TLE3: variants seen among roughly 807,000 people sequenced by gnomAD.
TLE3 encodes the protein transducin-like enhancer protein 3.
In TLE3, 14 loss-of-function variants were observed where a neutral mutation model predicts 93.0. The observed-to-expected ratio is 0.15, with a 90% CI of 0.10 to 0.24. TLE3 has a LOEUF of 0.24. Among genes scored for constraint, TLE3 ranks in the 10% least tolerant of loss-of-function variants. The pLI, the probability that TLE3 is intolerant of heterozygous loss-of-function variation, is 1.00. For synonymous variants in TLE3, 451 were observed against 425.0 expected, an observed-to-expected ratio of 1.06 and a Z score of -0.75; for missense variants, 693 against 1,046.6, an observed-to-expected ratio of 0.66 and a Z score of 4.66.
chr15:70,052,632 C>T (rs936672910), intron 17 of TLE3, 108 bp from the exon 18 acceptor site: 1 of 1,285,228 alleles, frequency 7.8e-7, no homozygotes, highest in Non-Finnish European at 1.1e-6. Flanking sequence ...AGGGTCCCTC[C>T]CCACCCACCC....
Position 70,058,502 on chromosome 15 carries a change from C to A in TLE3, c.918+161G>T. ...AGACGTAGCAACCGAGGCTCAGAAA[C>A]GTTAACTCATTAGCACAGGCCCAGC... On this transcript the variant is annotated intron_variant, in intron 11 of 19. Coordinates refer to ENST00000451782, the MANE Select transcript of TLE3 (RefSeq NM_001105192.3). This position sits in a 1 kb window ranked among gnomAD's most constrained non-coding sequence, Gnocchi z 4.1. 7.7e-7 allele frequency: 1 copy of A among 1,293,982 alleles called. No homozygotes were observed. Among genetic ancestry groups the A allele is most frequent in the Non-Finnish European group, 1.0e-6 (1 of 960,666 alleles). The allele number at this position is 1,293,982 out of a possible 1,614,324, so 80.2% of individuals were successfully genotyped here. A position where few individuals can be genotyped will look rare whatever the true frequency, so the allele number is the denominator to read the frequency against.
intron 4 of TLE3, among the ~76,000 whole-genome samples, chr15:70,089,791 C>T (rs1043290226): frequency 2.6e-5 from 4 of 152,158 alleles, no homozygotes; most frequent in Non-Finnish European, 2.9e-5. Context: ...CATTCTCCCA[C>T]GTAGAAAGCA....
chr15:70,088,200 G>A (rs1455910700), intron 4 of TLE3, among the ~76,000 whole-genome samples: 2 of 152,200 alleles, frequency 1.3e-5, no homozygotes, highest in African/African-American at 4.8e-5. Flanking sequence ...ATGCTGATGC[G>A]AATTCAGACT....
chr15:70,067,648 A>G (rs956082859), intron 6 of TLE3, among the ~76,000 whole-genome samples: 8 of 152,312 alleles, frequency 5.3e-5, no homozygotes, highest in Non-Finnish European at 8.8e-5. Context: ...CGAACAGATA[A>G]CAGAACACAG....
intron 14 of TLE3, chr15:70,055,970 C>T: frequency 2.3e-6 from 1 of 442,538 alleles, no homozygotes; most frequent in Non-Finnish European, 4.2e-6. Context: ...CAGGTCGAAC[C>T]CAAAGGAGTC....
intron 2 of TLE3, 195 bp downstream of exon 2, chr15:70,095,966 C>A (rs959977829): frequency 2.8e-6 from 2 of 727,112 alleles, no homozygotes; most frequent in Non-Finnish European, 4.4e-6. Context: ...CCACGGGCGG[C>A]GCTGGGAGCC....
intron 17 of TLE3, 108 bp from the exon 18 acceptor site, chr15:70,052,632 C>A: frequency 7.8e-7 from 1 of 1,285,232 alleles, no homozygotes; most frequent in East Asian, 2.6e-5. Context: ...AGGGTCCCTC[C>A]CCACCCACCC....
chr15:70,093,626 C>T (rs1451476254), intron 4 of TLE3, among the ~76,000 whole-genome samples: 1 of 152,240 alleles, frequency 6.6e-6, no homozygotes, highest in Non-Finnish European at 1.5e-5. Flanking sequence ...AAATTATAGG[C>T]AGCCTTTCCT....
At position 70,058,542 on chromosome 15, in the gene TLE3, A is replaced by C; in HGVS notation, c.918+121T>G. 1 of 1,406,832 alleles carries C rather than the reference A, an allele frequency of 7.1e-7. No homozygotes were observed. The highest frequency in any genetic ancestry group is 9.4e-7 in the Non-Finnish European group (1 of 1,060,644). 87.1% of individuals were successfully genotyped at this position (1,406,832 alleles called of 1,614,324 possible). ...ACAGGCCCAGCAGGCACAGAAGGTAAACCGGGGCCAATCACCCACCCAGCT... is the reference window on the plus strand; with the variant it reads ...ACAGGCCCAGCAGGCACAGAAGGTACACCGGGGCCAATCACCCACCCAGCT... On this transcript the variant is annotated intron_variant, in intron 11 of 19. Coordinates refer to ENST00000451782, the MANE Select transcript of TLE3 (RefSeq NM_001105192.3). The surrounding 1 kb of genome is among the most constrained non-coding windows in gnomAD (Gnocchi z 4.1).
In TLE3 at chr15:70,059,473, G is replaced by A. The variant is rs750647772; in HGVS notation, c.715-13C>T. The A allele has an allele frequency of 5.6e-6, 9 of 1,605,238 alleles. No individual in the cohort carries two copies. Among genetic ancestry groups the A allele is most frequent in the African/African-American group, 1.3e-5 (1 of 74,770 alleles). On this transcript the variant is annotated splice_polypyrimidine_tract_variant and intron_variant, in intron 9 of 19. Coordinates refer to ENST00000451782, the MANE Select transcript of TLE3 (RefSeq NM_001105192.3). ...CTCCATCACTGTCCTGCAACCAAGA[G>A]AGAAGCCAACTGGTCAGTAAGAGGC...
chr15:70,089,454 T>C (rs1312254981), intron 4 of TLE3, among the ~76,000 whole-genome samples: 1 of 152,092 alleles, frequency 6.6e-6, no homozygotes, highest in South Asian at 2.1e-4. Flanking sequence ...ATGAAGAAAC[T>C]GGATGCTGGG....
intron 4 of TLE3, among the ~76,000 whole-genome samples, chr15:70,094,138 A>T (rs1049740767): frequency 6.6e-5 from 10 of 150,758 alleles, no homozygotes; most frequent in Non-Finnish European, 1.5e-4. Context: ...TGCAAAAAGA[A>T]AAAAAAAAGG....
At chr15:70,064,788 T>C (rs531613507) in intron 7 of TLE3, among the ~76,000 whole-genome samples, 10 of 151,782 alleles carry the variant, frequency 6.6e-5, no homozygotes, top group Non-Finnish European at 1.5e-4. Context: ...CTCCCTGTCA[T>C]GCCAGAGGGC....
rs764801075 is a variant in TLE3 at position 70,074,523 on chromosome 15, G to A, written c.372+10C>T. 3 of 1,610,446 alleles carry A rather than the reference G, an allele frequency of 1.9e-6. No individual in the cohort carries two copies. Among genetic ancestry groups the A allele is most frequent in the African/African-American group, 2.7e-5 (2 of 74,896 alleles). ...CACACGGTAAGAGGCAGATTGGGGAGTCCACGTACCCCGATGATGGCGTTC... is the reference window on the plus strand; with the variant it reads ...CACACGGTAAGAGGCAGATTGGGGAATCCACGTACCCCGATGATGGCGTTC... On this transcript the variant is annotated intron_variant, in intron 6 of 19. Transcript: ENST00000451782.
intron 2 of TLE3, 53 bp from the exon 3 acceptor site, chr15:70,095,694 G>A (rs2058520416): frequency 6.5e-7 from 1 of 1,545,422 alleles, no homozygotes; most frequent in South Asian, 1.2e-5. Flanking sequence ...AGCCTCCTCT[G>A]AGGCCCCGAC....
chr15:70,055,569 T>TTTTAATGATA, intron 14 of TLE3: 1 of 371,260 alleles, frequency 2.7e-6, no homozygotes. Flanking sequence ...GAATGCCCTT[T>TTTTAATGATA]CCCACGATCC....
At chr15:70,083,616 G>A (rs2057899363) in intron 4 of TLE3, among the ~76,000 whole-genome samples, 1 of 146,140 alleles carries the variant, frequency 6.8e-6, no homozygotes, top group Non-Finnish European at 1.5e-5. Flanking sequence ...CTGCCAGGAG[G>A]AAAAATTCTC....
At chr15:70,052,336 A>G in intron 18 of TLE3, 38 bp downstream of exon 18, 1 of 1,601,226 alleles carries the variant, frequency 6.2e-7, no homozygotes, top group Non-Finnish European at 8.5e-7. Flanking sequence ...TGGGTTCCCC[A>G]CCCCACTCCA....
chr15:70,074,357 C>T (rs1283300689), intron 6 of TLE3, 176 bp downstream of exon 6: 1 of 680,394 alleles, frequency 1.5e-6, no homozygotes, highest in African/African-American at 1.8e-5. Flanking sequence ...AACTGGGAGC[C>T]AAGGGGGAAA....
Sources: allele counts gnomAD v4.1 joint callset (sites outside exome capture counted in the v4.1 genomes callset), GRCh38; gene constraint gnomAD v4.1.1; non-coding constraint Gnocchi (gnomAD v3.1); transcripts MANE v1.5; gene names NCBI Gene and HGNC (gene_info 2026-07-23, HGNC 2026-07-21).